ADAM22: variants seen among roughly 807,000 people sequenced by gnomAD.
The protein encoded by ADAM22 is ADAM metallopeptidase domain 22.
ADAM22 carries 65 observed loss-of-function variants against 144.6 expected under a neutral mutation model. That is an observed-to-expected ratio of 0.45 (90% CI 0.37 to 0.55). ADAM22 has a LOEUF of 0.55. ADAM22 is among the 20% of genes least tolerant of loss of function. The pLI, the probability that ADAM22 is intolerant of heterozygous loss-of-function variation, is 0.00. For missense variants in ADAM22, 974 were observed against 1,184.9 expected, an observed-to-expected ratio of 0.82 and a Z score of 2.61; for synonymous variants, 391 against 412.6, an observed-to-expected ratio of 0.95 and a Z score of 0.63.
At chr7:88,057,382 T>G (rs1433642964) in intron 3 of ADAM22, among the ~76,000 whole-genome samples, 1 of 152,354 alleles carries the variant, frequency 6.6e-6, no homozygotes, top group East Asian at 1.9e-4. Context: ...GACTAATTAT[T>G]TGTTAATCAC....
chr7:88,092,282 C>G (rs1158267379), intron 4 of ADAM22, among the ~76,000 whole-genome samples: 2 of 152,084 alleles, frequency 1.3e-5, no homozygotes, highest in Non-Finnish European at 2.9e-5. Flanking sequence ...AATACCCATC[C>G]CCCCTACCTC....
chr7:88,037,193 T>C (rs1397378872), intron 3 of ADAM22, among the ~76,000 whole-genome samples: 1 of 152,156 alleles, frequency 6.6e-6, no homozygotes, highest in Non-Finnish European at 1.5e-5. Flanking sequence ...AATTAGTAGA[T>C]CAAAGGGTAG....
intron 26 of ADAM22, among the ~76,000 whole-genome samples, chr7:88,172,091 G>A (rs1844469720): frequency 2.0e-5 from 3 of 151,688 alleles, no homozygotes; most frequent in African/African-American, 7.3e-5. Flanking sequence ...TTTTTGTATT[G>A]ATTAGGTAAC....
chr7:88,022,211 A>AT (rs1230298961), intron 3 of ADAM22, among the ~76,000 whole-genome samples: 5 of 151,896 alleles, frequency 3.3e-5, no homozygotes, highest in African/African-American at 1.2e-4. Context: ...ACACTTAACT[A>AT]TTACTTAACT....
intron 14 of ADAM22, among the ~76,000 whole-genome samples, chr7:88,136,494 GT>G (rs1833002182): frequency 6.6e-6 from 1 of 152,072 alleles, no homozygotes; most frequent in African/African-American, 2.4e-5. Context: ...TGAAAAGGGA[GT>G]TGGGAAGAGA....
intron 26 of ADAM22, 109 bp downstream of exon 26, chr7:88,171,670 A>G (rs1844351847): frequency 2.0e-6 from 2 of 979,236 alleles, no homozygotes; most frequent in African/African-American, 3.4e-5. Context: ...TTTTATGTAT[A>G]ATAATCATAC....
At chr7:88,144,692 C>T (rs1176846356) in intron 15 of ADAM22, among the ~76,000 whole-genome samples, 1 of 151,904 alleles carries the variant, frequency 6.6e-6, no homozygotes, top group Non-Finnish European at 1.5e-5. Context: ...ATATTAAGTT[C>T]TCTGAGATAT....
Position 88,143,021 on chromosome 7 carries a change from T to TA in ADAM22, c.1221-4dup, listed in dbSNP as rs775984332. On this transcript the variant is annotated splice_region_variant and splice_polypyrimidine_tract_variant and intron_variant, in intron 14 of 31. Coordinates refer to ENST00000413139, the MANE Select transcript of ADAM22 (RefSeq NM_001324418.2). ...CCCAGCTATTGCTTTTCTTCTCTTT[T>TA]ATAGCTATTATCTTCCTAAAAAGTT... 1 of 1,574,618 alleles carries TA rather than the reference T, an allele frequency of 6.4e-7. No homozygotes were observed. Among genetic ancestry groups the TA allele is most frequent in the Admixed American group, 1.7e-5 (1 of 59,014 alleles).
At chr7:88,049,753 A>G (rs1308135023) in intron 3 of ADAM22, among the ~76,000 whole-genome samples, 1 of 152,184 alleles carries the variant, frequency 6.6e-6, no homozygotes, top group East Asian at 1.9e-4. Context: ...GGTGAAAGGG[A>G]TGATTTTTAC....
Position 88,104,950 on chromosome 7 carries a change from A to AT in ADAM22, c.391-3219dup, listed in dbSNP as rs113791283. 9.2e-3 allele frequency among the ~76,000 whole-genome samples: 1,405 copies of AT among 151,902 alleles called. 25 individuals carry two copies. The highest frequency in any genetic ancestry group is 0.032 in the African/African-American group (1,344 of 41,420). ...ATCTGCTATTTTTGGCTTGACTCCTATTTTTTTCAAATCAGAGATTAGTGA... is the reference window on the plus strand; with the variant it reads ...ATCTGCTATTTTTGGCTTGACTCCTATTTTTTTTCAAATCAGAGATTAGTGA... On this transcript the variant is annotated intron_variant, in intron 4 of 31. Coordinates refer to ENST00000413139, the MANE Select transcript of ADAM22 (RefSeq NM_001324418.2).
chr7:88,153,565 C>G, intron 21 of ADAM22, among the ~76,000 whole-genome samples: 1 of 152,090 alleles, frequency 6.6e-6, no homozygotes, highest in East Asian at 1.9e-4. Flanking sequence ...ATTTTCTTAC[C>G]TAGAAGACAC....
chr7:87,952,873 G>T (rs1207136552), intron 2 of ADAM22, among the ~76,000 whole-genome samples: 3 of 152,178 alleles, frequency 2.0e-5, no homozygotes, highest in Non-Finnish European at 4.4e-5. Context: ...AGTCTTGGGA[G>T]GGTGTATGTG....
intron 3 of ADAM22, among the ~76,000 whole-genome samples, chr7:88,046,482 G>A (rs774572414): frequency 3.3e-4 from 50 of 152,080 alleles, no homozygotes; most frequent in Non-Finnish European, 4.6e-4. Flanking sequence ...CACCTTATCA[G>A]ATGTTTGTTT....
intron 31 of ADAM22, among the ~76,000 whole-genome samples, chr7:88,193,588 C>A (rs1365465262): frequency 6.6e-6 from 1 of 152,150 alleles, no homozygotes; most frequent in Non-Finnish European, 1.5e-5. Context: ...TGAAACATAT[C>A]AGTATGTGAA....
chr7:88,025,946 T>C (rs1798933880), intron 3 of ADAM22, among the ~76,000 whole-genome samples: 1 of 152,204 alleles, frequency 6.6e-6, no homozygotes, highest in African/African-American at 2.4e-5. Flanking sequence ...AATCTGTATA[T>C]TGCTTTGGGT....
intron 10 of ADAM22, 86 bp from the exon 11 acceptor site, chr7:88,131,183 C>A: frequency 1.7e-6 from 2 of 1,144,032 alleles, no homozygotes; most frequent in Non-Finnish European, 2.5e-6. Context: ...AAGAAGTTTC[C>A]ATGAAAGGAG....
At chr7:88,174,493 C>A (rs538599042) in intron 26 of ADAM22, among the ~76,000 whole-genome samples, 1 of 152,120 alleles carries the variant, frequency 6.6e-6, no homozygotes. Context: ...GAAAACTTCC[C>A]CAATTTTTTC....
At chr7:88,093,073 CTGA>C (rs2129485258) in intron 4 of ADAM22, among the ~76,000 whole-genome samples, 1 of 152,176 alleles carries the variant, frequency 6.6e-6, no homozygotes, top group Admixed American at 6.5e-5. Flanking sequence ...GTAGCACTAA[CTGA>C]TGATATTTCC....
chr7:88,050,891 T>G (rs1585261787), intron 3 of ADAM22, among the ~76,000 whole-genome samples: 1 of 152,264 alleles, frequency 6.6e-6, no homozygotes, highest in East Asian at 1.9e-4. Context: ...ATTTTGGCTT[T>G]TGTTGCCATT....
Sources: allele counts gnomAD v4.1 joint callset (sites outside exome capture counted in the v4.1 genomes callset), GRCh38; gene constraint gnomAD v4.1.1; transcripts MANE v1.5; gene names NCBI Gene and HGNC (gene_info 2026-07-23, HGNC 2026-07-21).